ERBB4: variants seen among roughly 807,000 people sequenced by gnomAD.
ERBB4 encodes erb-b2 receptor tyrosine kinase 4, also known as receptor tyrosine-protein kinase erbB-4.
A neutral mutation model predicts 158.0 loss-of-function variants in ERBB4; 42 were observed. That is an observed-to-expected ratio of 0.27 (90% confidence interval 0.21 to 0.34). The LOEUF is 0.34. Among genes scored for constraint, ERBB4 ranks in the 10% least tolerant of loss-of-function variants. ERBB4 has a pLI of 1.00. For missense variants in ERBB4, 1,333 were observed against 1,624.1 expected, an observed-to-expected ratio of 0.82 and a Z score of 3.08; for synonymous variants, 583 against 558.7, an observed-to-expected ratio of 1.04 and a Z score of -0.61.
At chr2:211,567,155 T>C (rs1351337880) in intron 19 of ERBB4, among the ~76,000 whole-genome samples, 1 of 152,120 alleles carries the variant, frequency 6.6e-6, no homozygotes, top group Non-Finnish European at 1.5e-5. Flanking sequence ...CAAAACTCAA[T>C]GAGATTACCG....
rs559034613 is a variant in ERBB4, at chr2:212,034,000, C to A, written c.235-86384G>T. Reference sequence around the variant, plus strand: ...CCTCATTTAACTACAGAAGAAAACACAACCCTTTAAACAATTGCAGATTTA... The same window carrying A: ...CCTCATTTAACTACAGAAGAAAACAAAACCCTTTAAACAATTGCAGATTTA... On this transcript the variant is annotated intron_variant, in intron 2 of 27. Coordinates refer to ENST00000342788, the MANE Select transcript of ERBB4 (RefSeq NM_005235.3). Among the ~76,000 whole-genome samples the A allele has an allele frequency of 1.4e-4, 22 of 151,994 alleles. 2 individuals are homozygous for A. The South Asian group carries it at 4.6e-3, about 31-fold the overall frequency.
chr2:211,716,625 G>A (rs551490979), intron 7 of ERBB4, among the ~76,000 whole-genome samples: 2 of 152,006 alleles, frequency 1.3e-5, no homozygotes, highest in East Asian at 1.9e-4. Context: ...GCAGTGAGCC[G>A]AGATTGCGCC....
In ERBB4 at chr2:212,512,474, T is replaced by C. The variant is rs139679869; in HGVS notation, c.82+25975A>G. On this transcript the variant is annotated intron_variant, in intron 1 of 27. Coordinates refer to ENST00000342788, the MANE Select transcript of ERBB4 (RefSeq NM_005235.3). Reference sequence around the variant, plus strand: ...CTGATACATGGCAGAACCCAATAAATAGTATTTAAAACTGTTTGCATGGTT... The same window carrying C: ...CTGATACATGGCAGAACCCAATAAACAGTATTTAAAACTGTTTGCATGGTT... 7.5e-3 allele frequency among the ~76,000 whole-genome samples: 1,147 copies of C among 152,204 alleles called. 11 individuals are homozygous for C. The highest frequency in any genetic ancestry group is 0.026 in the African/African-American group (1,072 of 41,542).
intron 3 of ERBB4, among the ~76,000 whole-genome samples, chr2:211,852,635 A>AATTT (rs1340548969): frequency 3.1e-4 from 26 of 83,100 alleles, no homozygotes; most frequent in Non-Finnish European, 5.3e-4. Flanking sequence ...ACAATGGCCA[A>AATTT]CTTTTTTTTT....
intron 21 of ERBB4, among the ~76,000 whole-genome samples, chr2:211,429,805 A>G (rs2125426277): frequency 6.6e-6 from 1 of 152,312 alleles, no homozygotes; most frequent in Middle Eastern, 3.4e-3. Flanking sequence ...TGTGTTAAAG[A>G]AGTAAGTTTA....
intron 3 of ERBB4, among the ~76,000 whole-genome samples, chr2:211,840,748 T>C (rs2077452347): frequency 6.6e-6 from 1 of 152,124 alleles, no homozygotes; most frequent in East Asian, 1.9e-4. Context: ...TATGGATTTA[T>C]GTCCAATATC....
chr2:211,818,003 T>C (rs2076914948), intron 3 of ERBB4, among the ~76,000 whole-genome samples: 1 of 152,172 alleles, frequency 6.6e-6, no homozygotes, highest in African/African-American at 2.4e-5. Flanking sequence ...TCTAAAGTAG[T>C]TCATTGTTCA....
At chr2:211,475,853 T>C (rs2064940137) in intron 20 of ERBB4, among the ~76,000 whole-genome samples, 1 of 152,160 alleles carries the variant, frequency 6.6e-6, no homozygotes, top group Non-Finnish European at 1.5e-5. Context: ...TGTATTTGAA[T>C]TTATCTGTAG....
chr2:212,059,280 T>C (rs542119837), intron 2 of ERBB4, among the ~76,000 whole-genome samples: 1 of 152,040 alleles, frequency 6.6e-6, no homozygotes, highest in South Asian at 2.1e-4. Context: ...CACTGCTCAA[T>C]GAAATAAAAG....
At chr2:212,025,758 A>T (rs2076758725) in intron 2 of ERBB4, among the ~76,000 whole-genome samples, 1 of 151,786 alleles carries the variant, frequency 6.6e-6, no homozygotes, top group Non-Finnish European at 1.5e-5. Flanking sequence ...TTTTCTAGAA[A>T]AGGTCATGGG....
At chr2:211,724,883 T>C (rs974329178) in intron 6 of ERBB4, among the ~76,000 whole-genome samples, 193 bp downstream of exon 6, 7 of 152,198 alleles carry the variant, frequency 4.6e-5, no homozygotes, top group Non-Finnish European at 1.0e-4. Flanking sequence ...ATACAATTCA[T>C]TTAATAGAAC....
intron 7 of ERBB4, among the ~76,000 whole-genome samples, chr2:211,717,078 G>A (rs1451521693): frequency 1.3e-5 from 2 of 151,934 alleles, no homozygotes; most frequent in African/African-American, 2.4e-5. Context: ...CCCAACCCTC[G>A]GGCTTCAACC....
chr2:212,349,038 A>G (rs909318022), intron 1 of ERBB4, among the ~76,000 whole-genome samples: 1 of 152,118 alleles, frequency 6.6e-6, no homozygotes, highest in African/African-American at 2.4e-5. Context: ...ATGATTGTCA[A>G]TATTTTATTT....
chr2:211,956,703 A>C (rs940019027), intron 2 of ERBB4, among the ~76,000 whole-genome samples: 1 of 152,194 alleles, frequency 6.6e-6, no homozygotes, highest in South Asian at 2.1e-4. Context: ...GGTAAACAAT[A>C]TATAAGCAAA....
At chr2:212,465,468 T>A (rs1211563495) in intron 1 of ERBB4, among the ~76,000 whole-genome samples, 2 of 152,182 alleles carry the variant, frequency 1.3e-5, no homozygotes, top group East Asian at 1.9e-4. Flanking sequence ...TATCTCTGTA[T>A]AATTTACAAA....
chr2:212,433,906 T>C (rs1167245979), intron 1 of ERBB4, among the ~76,000 whole-genome samples: 1 of 151,944 alleles, frequency 6.6e-6, no homozygotes, highest in African/African-American at 2.4e-5. Flanking sequence ...ACTCTAATAG[T>C]GTCATTACAT....
chr2:212,343,885 A>G (rs1348177265), intron 1 of ERBB4, among the ~76,000 whole-genome samples: 1 of 152,096 alleles, frequency 6.6e-6, no homozygotes, highest in African/African-American at 2.4e-5. Flanking sequence ...ACTGTTTTTC[A>G]TATCACATAG....
intron 1 of ERBB4, among the ~76,000 whole-genome samples, chr2:212,273,991 A>C (rs1298240887): frequency 6.6e-6 from 1 of 151,836 alleles, no homozygotes; most frequent in East Asian, 1.9e-4. Flanking sequence ...TGTTCACTGG[A>C]AGCCTTATTA....
At chr2:211,776,144 T>C (rs548849571) in intron 4 of ERBB4, among the ~76,000 whole-genome samples, 61 of 152,334 alleles carry the variant, frequency 4.0e-4, no homozygotes, top group African/African-American at 1.4e-3. Context: ...GTCTTAGCTA[T>C]TGTGTCTTCA....
Sources: allele counts gnomAD v4.1 joint callset (sites outside exome capture counted in the v4.1 genomes callset), GRCh38; gene constraint gnomAD v4.1.1; transcripts MANE v1.5; gene names NCBI Gene and HGNC (gene_info 2026-07-23, HGNC 2026-07-21).